The following PHLPP2 variants were observed in gnomAD, a reference collection of about 807,000 sequenced individuals.
PHLPP2 encodes the protein PH domain and leucine rich repeat protein phosphatase 2.
PHLPP2 carries 66 observed loss-of-function variants against 124.9 expected under a neutral mutation model. The observed-to-expected ratio is 0.53, with a 90% CI of 0.43 to 0.65. The LOEUF (loss-of-function observed/expected upper bound fraction) is 0.65. Among genes scored for constraint, PHLPP2 ranks in the 30% least tolerant of loss-of-function variants. PHLPP2 has a pLI of 0.00. For synonymous variants in PHLPP2, 681 were observed against 624.7 expected, an observed-to-expected ratio of 1.09 and a Z score of -1.34; for missense variants, 1,685 against 1,600.4, an observed-to-expected ratio of 1.05 and a Z score of -0.90.
In PHLPP2 at chr16:71,657,185, C is replaced by T. The variant is rs529121363; in HGVS notation, c.2280-504G>A. Among the ~76,000 whole-genome samples, 152 of 151,894 alleles carry T rather than the reference C, an allele frequency of 1.0e-3. 1 individual carries two copies. The highest frequency in any genetic ancestry group is 2.2e-3 in the African/African-American group (92 of 41,442). On this transcript the variant is annotated intron_variant, in intron 15 of 18. Transcript: ENST00000568954. The stretch of plus-strand genomic sequence containing the variant: ...CTCGAACTCCTGACCTCAAGTGATC[C>T]GCCCGCCTCGGCCTCCCAAAGTGCT...
chr16:71,698,484 C>T, intron 3 of PHLPP2: 2 of 750,808 alleles, frequency 2.7e-6, no homozygotes, highest in South Asian at 2.7e-5. Context: ...TGCCCTGCGG[C>T]TTTCCAAAGG....
chr16:71,664,853 T>G (rs1355941116), intron 12 of PHLPP2, among the ~76,000 whole-genome samples: 2 of 152,232 alleles, frequency 1.3e-5, no homozygotes, highest in East Asian at 3.8e-4. Context: ...TGTTTCCATT[T>G]CTATACACAT....
chr16:71,656,658 T>C lies in PHLPP2; in HGVS notation c.2303A>G (p.Asp768Gly), dbSNP rs867086525. The change falls in exon 16 of 19, where the codon GAT becomes GGT. Residue 768 changes from aspartate to glycine, a missense_variant. Transcript: ENST00000568954. The part of the protein sequence containing the change: ...IFSHITTLKI[D>G]QKPLPTTDST... ...ATCTGTGGTTGGCAAAGGTTTCTGA[T>C]CAATTTTCAGGGTTGTGATATGGCT... 16 of 1,612,192 alleles carry C rather than the reference T, an allele frequency of 9.9e-6. No homozygotes were observed. The highest frequency in any genetic ancestry group is 1.3e-5 in the African/African-American group (1 of 74,888).
chr16:71,693,367 G>T (rs1327895120), intron 3 of PHLPP2, among the ~76,000 whole-genome samples: 2 of 152,144 alleles, frequency 1.3e-5, no homozygotes, highest in African/African-American at 4.8e-5. Flanking sequence ...CACAACTCAA[G>T]CTCATCTCCT....
intron 3 of PHLPP2, among the ~76,000 whole-genome samples, chr16:71,691,179 T>C (rs1239045553): frequency 1.3e-5 from 2 of 152,168 alleles, no homozygotes; most frequent in African/African-American, 4.8e-5. Flanking sequence ...GATGGCCAGC[T>C]GCAGTGGCTC....
chr16:71,723,702 C>T (rs1480954352), intron 1 of PHLPP2: 3 of 746,132 alleles, frequency 4.0e-6, no homozygotes, highest in South Asian at 2.3e-5. Context: ...TAGCCTCCCT[C>T]GTTCCCTCCC....
intron 10 of PHLPP2, among the ~76,000 whole-genome samples, chr16:71,670,992 G>A (rs1355283771): frequency 6.6e-6 from 1 of 152,192 alleles, no homozygotes; most frequent in Non-Finnish European, 1.5e-5. Flanking sequence ...GGGGGACACT[G>A]AGGGAGGTAG....
intron 7 of PHLPP2, among the ~76,000 whole-genome samples, 166 bp from the exon 8 acceptor site, chr16:71,679,151 A>G (rs575890116): frequency 2.0e-5 from 3 of 152,216 alleles, no homozygotes; most frequent in African/African-American, 4.8e-5. Context: ...TTTACACACA[A>G]CTTAAACAAA....
chr16:71,684,448 C>T, intron 5 of PHLPP2, 28 bp downstream of exon 5: 1 of 1,612,302 alleles, frequency 6.2e-7, no homozygotes, highest in Non-Finnish European at 8.5e-7. Context: ...TTCTTATCTC[C>T]ACATCAGAAC....
intron 4 of PHLPP2, among the ~76,000 whole-genome samples, chr16:71,686,771 CT>C (rs545788678): frequency 2.0e-3 from 280 of 142,356 alleles, no homozygotes; most frequent in East Asian, 8.7e-3. Context: ...AGTTCTTTCC[CT>C]TTTTTTTTTT....
chr16:71,687,626 T>C (rs889939119), intron 4 of PHLPP2, among the ~76,000 whole-genome samples: 1 of 152,186 alleles, frequency 6.6e-6, no homozygotes, highest in Non-Finnish European at 1.5e-5. Flanking sequence ...AAGTCTTCTA[T>C]ATTCTCTTTT....
At chr16:71,712,807 A>G (rs1330607579) in intron 2 of PHLPP2, among the ~76,000 whole-genome samples, 1 of 152,212 alleles carries the variant, frequency 6.6e-6, no homozygotes, top group African/African-American at 2.4e-5. Flanking sequence ...TGTTACTATT[A>G]TTACCACACT....
intron 10 of PHLPP2, among the ~76,000 whole-genome samples, chr16:71,670,217 C>A (rs1311457578): frequency 6.6e-6 from 1 of 152,124 alleles, no homozygotes; most frequent in African/African-American, 2.4e-5. Context: ...GATGCTGGAG[C>A]ACCCGGAGGA....
intron 1 of PHLPP2, among the ~76,000 whole-genome samples, chr16:71,720,190 C>T (rs1055075214): frequency 2.0e-5 from 3 of 151,476 alleles, no homozygotes; most frequent in African/African-American, 7.3e-5. Flanking sequence ...AGGATGGTCT[C>T]GATCTCCTGA....
At position 71,722,626 on chromosome 16, in the gene PHLPP2, G is replaced by A. The variant is rs546797085; in HGVS notation, c.-7+1703C>T. 7.2e-5 allele frequency among the ~76,000 whole-genome samples: 11 copies of A among 152,188 alleles called. No individual in the cohort carries two copies. In the East Asian group the frequency reaches 7.7e-4, roughly 11 times the overall value. On this transcript the variant is annotated intron_variant, in intron 1 of 18. Coordinates refer to ENST00000568954, the MANE Select transcript of PHLPP2 (RefSeq NM_015020.3). ...CCTCAATCCCAATAAACTACTAAAG[G>A]ATTTTTAACATCATACGTTTTGTTT...
intron 10 of PHLPP2, among the ~76,000 whole-genome samples, chr16:71,671,543 T>C (rs1290474786): frequency 6.6e-6 from 1 of 151,918 alleles, no homozygotes; most frequent in Non-Finnish European, 1.5e-5. Flanking sequence ...AATAAAATCC[T>C]GAATATAATT....
At chr16:71,650,842 G>A (rs2044690910) in intron 18 of PHLPP2, among the ~76,000 whole-genome samples, 2 of 152,210 alleles carry the variant, frequency 1.3e-5, no homozygotes, top group Non-Finnish European at 2.9e-5. Flanking sequence ...TTCTTCATCT[G>A]TAAAATGAAA....
intron 3 of PHLPP2, among the ~76,000 whole-genome samples, chr16:71,697,656 A>G (rs1359767263): frequency 6.6e-6 from 1 of 152,146 alleles, no homozygotes; most frequent in African/African-American, 2.4e-5. Context: ...GTTTTAAACA[A>G]TATGTGCAGA....
chr16:71,670,518 T>C (rs1386277425), intron 10 of PHLPP2, among the ~76,000 whole-genome samples: 1 of 152,082 alleles, frequency 6.6e-6, no homozygotes, highest in Non-Finnish European at 1.5e-5. Context: ...GTTAGAGGGA[T>C]AAGCAGATGG....
Sources: allele counts gnomAD v4.1 joint callset (sites outside exome capture counted in the v4.1 genomes callset), GRCh38; gene constraint gnomAD v4.1.1; transcripts MANE v1.5; gene names NCBI Gene and HGNC (gene_info 2026-07-23, HGNC 2026-07-21).